The following RAP1A variants were observed in gnomAD, a reference collection of about 807,000 sequenced individuals.
The protein encoded by RAP1A is RAP1A, member of RAS oncogene family, also known as ras-related protein Rap-1A.
A neutral mutation model predicts 26.4 loss-of-function variants in RAP1A; 6 were observed. The observed-to-expected ratio is 0.23, with a 90% CI of 0.12 to 0.45. RAP1A has a LOEUF of 0.45. RAP1A is among the 20% of genes least tolerant of loss of function. The pLI is 0.99. For synonymous variants in RAP1A, 73 were observed against 79.4 expected (o/e 0.92, Z 0.43); for missense variants, 121 against 217.2 (o/e 0.56, Z 2.78).
intron 1 of RAP1A, among the ~76,000 whole-genome samples, chr1:111,564,576 G>GC (rs1657869319): frequency 7.0e-6 from 1 of 142,680 alleles, no homozygotes. Flanking sequence ...GCAGTGGCAC[G>GC]ATCTCGGCTC....
chr1:111,617,043 C>T (rs977030285), upstream of RAP1A, among the ~76,000 whole-genome samples: 5 of 152,038 alleles, frequency 3.3e-5, no homozygotes, highest in East Asian at 3.9e-4. Context: ...TGTGTGTATG[C>T]GCATGTGTGT....
chr1:111,600,504 G>A, intron 1 of RAP1A, among the ~76,000 whole-genome samples: 1 of 152,240 alleles, frequency 6.6e-6, no homozygotes, highest in South Asian at 2.1e-4. Flanking sequence ...AAGGCTGTTT[G>A]TCTTCTCCTA....
chr1:111,688,477 G>A (rs908459831), intron 1 of RAP1A, among the ~76,000 whole-genome samples: 2 of 151,744 alleles, frequency 1.3e-5, no homozygotes, highest in Non-Finnish European at 2.9e-5. Context: ...ACACCACCAC[G>A]CCCAGCTAAT....
Position 111,716,228 on chromosome 1 carries a change from C to T in RAP1A, c.*3827C>T, listed in dbSNP as rs1046559745. 1.3e-5 allele frequency: 2 copies of T among 152,224 alleles called. No homozygotes were observed. Among genetic ancestry groups the T allele is most frequent in the African/African-American group, 4.8e-5 (2 of 41,460 alleles). The allele number at this position is 152,224 out of a possible 1,614,324, so 9.4% of individuals were successfully genotyped here. On this transcript the variant is annotated 3_prime_UTR_variant, in exon 8 of 8. Transcript: ENST00000369709. ...TGTCCAGGGTCTGGAAAGAGCTCAT[C>T]TTGCCGAGAGGGAAATAAATGTGAG...
intron 1 of RAP1A, chr1:111,649,270 C>T (rs1320979205): frequency 1.5e-5 from 7 of 470,822 alleles, no homozygotes; most frequent in East Asian, 1.0e-4. Flanking sequence ...TTCCGGTTCT[C>T]GGTTTCCAGG....
At chr1:111,620,608 C>G (rs114412490) in intron 1 of RAP1A, among the ~76,000 whole-genome samples, 2,038 of 152,326 alleles carry the variant, frequency 0.013, 24 homozygotes, top group Non-Finnish European at 0.021. Context: ...GGGCTGACAT[C>G]TACATCCCAC....
intron 1 of RAP1A, among the ~76,000 whole-genome samples, chr1:111,565,158 A>C (rs1395100956): frequency 6.6e-6 from 1 of 152,166 alleles, no homozygotes; most frequent in Non-Finnish European, 1.5e-5. Flanking sequence ...ACTCATACTT[A>C]GGTTATTCAC....
chr1:111,604,145 C>T (rs1235330851), intron 1 of RAP1A, among the ~76,000 whole-genome samples: 2 of 152,136 alleles, frequency 1.3e-5, no homozygotes, highest in Non-Finnish European at 2.9e-5. Context: ...CCTGAGGCTG[C>T]GGTGGTGACT....
rs543480603 is a variant in RAP1A, at chr1:111,646,250, C to T, written c.-28+26316C>T. On this transcript the variant is annotated intron_variant, in intron 1 of 7. Coordinates refer to ENST00000369709, the MANE Select transcript of RAP1A (RefSeq NM_002884.4). ...TTACACTTTTTTTTCTCTCCCACAA[C>T]GTAACATGGGTTTGGCAAGCTTTAA... Among the ~76,000 whole-genome samples the T allele has an allele frequency of 3.7e-4, 56 of 151,878 alleles. 1 individual carries two copies. In the South Asian group the frequency reaches 9.2e-3, roughly 25 times the overall value.
intron 6 of RAP1A, among the ~76,000 whole-genome samples, chr1:111,707,626 G>A (rs551733897): frequency 2.0e-5 from 3 of 152,126 alleles, no homozygotes; most frequent in Non-Finnish European, 4.4e-5. Context: ...GCTCCTTAAA[G>A]CCAGTCCATT....
At chr1:111,550,488 C>T (rs1364691551) in intron 1 of RAP1A, among the ~76,000 whole-genome samples, 1 of 152,168 alleles carries the variant, frequency 6.6e-6, no homozygotes, top group Non-Finnish European at 1.5e-5. Flanking sequence ...TCCCTCTAAG[C>T]ATTCTTCCAA....
At chr1:111,701,374 G>C (rs557602415) in intron 4 of RAP1A, among the ~76,000 whole-genome samples, 1 of 152,072 alleles carries the variant, frequency 6.6e-6, no homozygotes, top group East Asian at 1.9e-4. Flanking sequence ...AATGTTACCC[G>C]TGAGGCCTTC....
chr1:111,668,677 C>A (rs530699833), intron 1 of RAP1A, among the ~76,000 whole-genome samples: 1 of 151,974 alleles, frequency 6.6e-6, no homozygotes, highest in Non-Finnish European at 1.5e-5. Flanking sequence ...AGAAAGATAG[C>A]GAGGTTATGA....
chr1:111,678,612 T>G (rs1316869842), intron 1 of RAP1A, among the ~76,000 whole-genome samples: 1 of 152,218 alleles, frequency 6.6e-6, no homozygotes, highest in African/African-American at 2.4e-5. Context: ...TACAGAATAC[T>G]GTAGGCAGTT....
chr1:111,677,074 A>T (rs746935544), intron 1 of RAP1A, among the ~76,000 whole-genome samples: 3 of 152,250 alleles, frequency 2.0e-5, no homozygotes, highest in South Asian at 2.1e-4. Context: ...GATTACAGAC[A>T]TGAGCCACCG....
At chr1:111,690,237 G>A (rs1234127167) in intron 1 of RAP1A, among the ~76,000 whole-genome samples, 1 of 152,112 alleles carries the variant, frequency 6.6e-6, no homozygotes, top group Non-Finnish European at 1.5e-5. Flanking sequence ...AGTCTTTTGA[G>A]GTTTCTACTG....
intron 5 of RAP1A, 96 bp from the exon 6 acceptor site, chr1:111,704,247 C>A: frequency 7.8e-7 from 1 of 1,282,196 alleles, no homozygotes; most frequent in Non-Finnish European, 1.1e-6. Flanking sequence ...CCAACTAATG[C>A]ATTTCAGTTG....
chr1:111,617,214 C>T (rs894325792), upstream of RAP1A, among the ~76,000 whole-genome samples: 17 of 152,178 alleles, frequency 1.1e-4, no homozygotes, highest in East Asian at 3.9e-4. Flanking sequence ...TCCTACCTGC[C>T]GCCTCTGCTC....
chr1:111,608,446 G>C (rs987441675), intron 1 of RAP1A: 3 of 167,302 alleles, frequency 1.8e-5, no homozygotes, highest in African/African-American at 7.4e-5. Flanking sequence ...GGCTCCTCAC[G>C]TCCCAGGCGA....
Sources: gnomAD v4.1 joint callset for allele counts (sites outside exome capture counted in the v4.1 genomes callset) on GRCh38, gnomAD v4.1.1 for gene constraint, MANE v1.5 for transcripts, NCBI Gene and HGNC (gene_info 2026-07-23, HGNC 2026-07-21) for gene names.